Variants in ASIC2 observed in about 807,000 individuals in gnomAD.
ASIC2 encodes acid sensing ion channel subunit 2.
ASIC2 carries 25 observed loss-of-function variants against 57.3 expected under a neutral mutation model. That is an observed-to-expected ratio of 0.44 (90% CI 0.32 to 0.61). The LOEUF is 0.61. Ranked by LOEUF, ASIC2 falls within the 20% of genes least tolerant of loss-of-function variation. The pLI, the probability that ASIC2 is intolerant of heterozygous loss-of-function variation, is 0.06. For synonymous variants in ASIC2, 319 were observed against 307.5 expected (o/e 1.04, Z -0.39); for missense variants, 641 against 738.1 (o/e 0.87, Z 1.52).
chr17:34,010,740 C>T (rs993098685), intron 1 of ASIC2, among the ~76,000 whole-genome samples: 1 of 151,488 alleles, frequency 6.6e-6, no homozygotes, highest in African/African-American at 2.4e-5. Flanking sequence ...GAGAAACACC[C>T]ATACAAACAC....
chr17:34,074,524 A>C (rs1909550372), intron 1 of ASIC2, among the ~76,000 whole-genome samples: 1 of 151,920 alleles, frequency 6.6e-6, no homozygotes, highest in Non-Finnish European at 1.5e-5. Flanking sequence ...GTCATGATTT[A>C]TTTTCTTAAT....
intron 1 of ASIC2, among the ~76,000 whole-genome samples, chr17:33,607,300 A>G (rs1020390265): frequency 6.6e-6 from 1 of 152,122 alleles, no homozygotes. Context: ...CAATGAATAA[A>G]TCGGGAAGAA....
intron 1 of ASIC2, among the ~76,000 whole-genome samples, chr17:33,439,694 C>T (rs770314114): frequency 1.6e-4 from 25 of 152,056 alleles, no homozygotes; most frequent in Admixed American, 3.3e-4. Context: ...AACCAGAAGC[C>T]CAGAGCCAAA....
At chr17:33,800,298 G>A (rs747184290) in intron 1 of ASIC2, among the ~76,000 whole-genome samples, 1 of 152,130 alleles carries the variant, frequency 6.6e-6, no homozygotes, top group Non-Finnish European at 1.5e-5. Context: ...GGAATTGTGG[G>A]CATCAGATCT....
At chr17:33,355,839 G>A (rs1335782311) in intron 1 of ASIC2, among the ~76,000 whole-genome samples, 1 of 152,142 alleles carries the variant, frequency 6.6e-6, no homozygotes, top group African/African-American at 2.4e-5. Context: ...CTGTGAACGA[G>A]GCAAAGTTTC....
chr17:33,364,827 C>G (rs1171067618), intron 1 of ASIC2, among the ~76,000 whole-genome samples: 1 of 152,148 alleles, frequency 6.6e-6, no homozygotes, highest in African/African-American at 2.4e-5. Context: ...AGGAGCTAAC[C>G]AATAGCTTAG....
At chr17:33,747,964 T>C (rs1000412715) in intron 1 of ASIC2, among the ~76,000 whole-genome samples, 5 of 152,270 alleles carry the variant, frequency 3.3e-5, no homozygotes, top group African/African-American at 1.2e-4. Flanking sequence ...CTAGACATTC[T>C]GCATTCTCAG....
chr17:33,172,126 C>A (rs928273114), intron 1 of ASIC2, among the ~76,000 whole-genome samples: 7 of 152,236 alleles, frequency 4.6e-5, no homozygotes, highest in African/African-American at 1.7e-4. Flanking sequence ...CTCATGATTG[C>A]ATCATGCCCC....
At chr17:34,148,466 C>T (rs1050185763) in intron 1 of ASIC2, among the ~76,000 whole-genome samples, 8 of 152,306 alleles carry the variant, frequency 5.3e-5, no homozygotes, top group African/African-American at 9.6e-5. Flanking sequence ...GCCAAATGTT[C>T]GCAAGACTTC....
At chr17:33,244,974 CCA>C (rs1160403153) in intron 1 of ASIC2, among the ~76,000 whole-genome samples, 4 of 152,174 alleles carry the variant, frequency 2.6e-5, no homozygotes, top group Non-Finnish European at 5.9e-5. Context: ...TTGGTCTCAT[CCA>C]CATAACAAAA....
chr17:33,449,271 G>C (rs1419675446), intron 1 of ASIC2, among the ~76,000 whole-genome samples: 1 of 151,734 alleles, frequency 6.6e-6, no homozygotes, highest in Non-Finnish European at 1.5e-5. Context: ...AGAACCAGCT[G>C]CTTCCTTCCT....
intron 1 of ASIC2, among the ~76,000 whole-genome samples, chr17:33,413,661 T>G (rs1288434764): frequency 6.6e-6 from 1 of 152,258 alleles, no homozygotes; most frequent in Non-Finnish European, 1.5e-5. Context: ...TACTCCTTTC[T>G]GCAGATTTTC....
At chr17:33,755,419 C>T (rs978394535) in intron 1 of ASIC2, among the ~76,000 whole-genome samples, 2 of 152,108 alleles carry the variant, frequency 1.3e-5, no homozygotes, top group Non-Finnish European at 2.9e-5. Flanking sequence ...CAACAGGAAA[C>T]GAATACAGCA....
intron 1 of ASIC2, among the ~76,000 whole-genome samples, chr17:34,103,945 A>T (rs148371270): frequency 8.5e-5 from 13 of 152,232 alleles, no homozygotes; most frequent in African/African-American, 3.1e-4. Context: ...GGTCATATGC[A>T]TTTCCATATA....
chr17:34,142,986 T>C (rs1912312667), intron 1 of ASIC2: 1 of 152,188 alleles, frequency 6.6e-6, no homozygotes, highest in Admixed American at 6.5e-5. Context: ...GCAAGTGCTA[T>C]AGAATGGCTT....
intron 1 of ASIC2, among the ~76,000 whole-genome samples, chr17:34,123,031 C>T (rs1248963145): frequency 1.3e-5 from 2 of 152,174 alleles, no homozygotes; most frequent in African/African-American, 2.4e-5. Flanking sequence ...AACCAGGCTC[C>T]ACCACTCATT....
rs12949365 is a variant in ASIC2 at position 33,579,405 on chromosome 17, G to A, written c.556-467338C>T. Among the ~76,000 whole-genome samples the A allele has an allele frequency of 1.1e-4, 16 of 151,536 alleles. No homozygotes were observed. The South Asian group carries it at 1.3e-3, about 12-fold the overall frequency. ...ACACTCCGCCTCATTATTCTGGAGG[G>A]GAAGGTAGAAAACAAGGAGATATAG... On this transcript the variant is annotated intron_variant, in intron 1 of 9. Transcript: ENST00000359872.
intron 1 of ASIC2, chr17:34,038,459 T>C (rs1001825199): frequency 5.5e-5 from 88 of 1,612,214 alleles, no homozygotes; most frequent in Non-Finnish European, 7.0e-5. Flanking sequence ...TTTATTTAAC[T>C]GGTGAATTTT....
At chr17:33,307,050 C>T (rs1906207733) in intron 1 of ASIC2, among the ~76,000 whole-genome samples, 1 of 152,142 alleles carries the variant, frequency 6.6e-6, no homozygotes, top group South Asian at 2.1e-4. Context: ...TAAAGCCCTT[C>T]TCACCCTGGC....
Sources: gnomAD v4.1 joint callset for allele counts (sites outside exome capture counted in the v4.1 genomes callset) on GRCh38, gnomAD v4.1.1 for gene constraint, MANE v1.5 for transcripts, NCBI Gene and HGNC (gene_info 2026-07-23, HGNC 2026-07-21) for gene names.